Variants in CNTN5 observed in about 807,000 individuals in gnomAD.
CNTN5 encodes contactin-5.
CNTN5 carries 77 observed loss-of-function variants against 129.1 expected under a neutral mutation model. The ratio of observed to expected loss-of-function variants is 0.60; its 90% CI spans 0.50 to 0.72. The LOEUF is 0.72. Among genes scored for constraint, CNTN5 ranks in the 30% least tolerant of loss-of-function variants. CNTN5 has a pLI of 0.00. For synonymous variants in CNTN5, 509 were observed against 465.6 expected (o/e 1.09, Z -1.20); for missense variants, 1,478 against 1,328.8 (o/e 1.11, Z -1.75).
At chr11:99,394,852 T>A (rs1456474871) in intron 2 of CNTN5, among the ~76,000 whole-genome samples, 1 of 151,876 alleles carries the variant, frequency 6.6e-6, no homozygotes, top group Non-Finnish European at 1.5e-5. Flanking sequence ...GCTCCATCCA[T>A]GTCCCTACAA....
chr11:99,232,380 T>C (rs1861048410), intron 1 of CNTN5, among the ~76,000 whole-genome samples: 1 of 152,136 alleles, frequency 6.6e-6, no homozygotes, highest in Non-Finnish European at 1.5e-5. Context: ...CTTTATTAGC[T>C]GTATTAGTAG....
chr11:99,253,054 C>T (rs1862195262), intron 1 of CNTN5, among the ~76,000 whole-genome samples: 1 of 151,760 alleles, frequency 6.6e-6, no homozygotes, highest in Admixed American at 6.6e-5. Flanking sequence ...TGTGTCCCCA[C>T]TCAAATCTCA....
intron 2 of CNTN5, among the ~76,000 whole-genome samples, chr11:99,500,110 T>C (rs1268786568): frequency 1.3e-5 from 2 of 151,792 alleles, no homozygotes; most frequent in African/African-American, 4.8e-5. Context: ...ACTATAGGAG[T>C]AGATTTGTTT....
chr11:100,307,851 T>A (rs1036847625), intron 20 of CNTN5, among the ~76,000 whole-genome samples: 1 of 151,762 alleles, frequency 6.6e-6, no homozygotes, highest in African/African-American at 2.4e-5. Context: ...ATTTTATATA[T>A]ACATTCTAAT....
chr11:99,235,514 G>T (rs1305363631), intron 1 of CNTN5, among the ~76,000 whole-genome samples: 1 of 151,942 alleles, frequency 6.6e-6, no homozygotes, highest in Admixed American at 6.6e-5. Flanking sequence ...AAGTATTTTT[G>T]AATTATTTTA....
rs569473626 is a variant in CNTN5 at position 100,163,211 on chromosome 11, T to C, written c.1581-27915T>C. Among the ~76,000 whole-genome samples the C allele has an allele frequency of 1.1e-4, 16 of 151,928 alleles. No individual in the cohort carries two copies. In the East Asian group the frequency reaches 2.9e-3, roughly 28 times the overall value. On this transcript the variant is annotated intron_variant, in intron 13 of 24. Transcript: ENST00000524871. The stretch of plus-strand genomic sequence containing the variant: ...TCATTTGGAGAATCTTAAATTAAGA[T>C]TGAGACATAATAGCTAATAAAAATA...
intron 8 of CNTN5, among the ~76,000 whole-genome samples, chr11:99,968,657 T>TC (rs144303705): frequency 0.17 from 926 of 5,462 alleles, 51 homozygotes; most frequent in African/African-American, 0.34. Flanking sequence ...CTTTGGGTAC[T>TC]TTTTTTTTTT....
chr11:99,039,432 T>C (rs551824079), intron 1 of CNTN5, among the ~76,000 whole-genome samples: 8 of 152,262 alleles, frequency 5.3e-5, no homozygotes, highest in African/African-American at 1.9e-4. Flanking sequence ...CACATTCTTA[T>C]TTTTTCTATC....
At chr11:99,292,685 C>T (rs1864220664) in intron 1 of CNTN5, among the ~76,000 whole-genome samples, 1 of 152,100 alleles carries the variant, frequency 6.6e-6, no homozygotes, top group African/African-American at 2.4e-5. Context: ...AGAGGACAGA[C>T]ATTTGAAACA....
At chr11:99,763,923 A>G (rs1341188986) in intron 3 of CNTN5, among the ~76,000 whole-genome samples, 3 of 152,070 alleles carry the variant, frequency 2.0e-5, no homozygotes, top group Non-Finnish European at 4.4e-5. Flanking sequence ...ACAATATGAA[A>G]TTTCTGACTC....
intron 3 of CNTN5, among the ~76,000 whole-genome samples, chr11:99,602,069 A>G (rs1409554064): frequency 1.3e-5 from 2 of 152,138 alleles, no homozygotes; most frequent in East Asian, 1.9e-4. Context: ...ACTGTGTTAT[A>G]GAAATTCCAA....
chr11:100,040,482 G>A (rs568597908), intron 9 of CNTN5, among the ~76,000 whole-genome samples: 2 of 152,206 alleles, frequency 1.3e-5, no homozygotes, highest in Non-Finnish European at 2.9e-5. Flanking sequence ...GAGAAGCACT[G>A]CTCTCTTCAA....
chr11:99,704,205 A>G (rs764940575), intron 3 of CNTN5, among the ~76,000 whole-genome samples: 3 of 150,888 alleles, frequency 2.0e-5, no homozygotes, highest in Admixed American at 6.6e-5. Context: ...AGAAGAGTCA[A>G]TATTCCATCC....
At chr11:99,194,105 CTA>C (rs1390419648) in intron 1 of CNTN5, among the ~76,000 whole-genome samples, 5 of 151,930 alleles carry the variant, frequency 3.3e-5, no homozygotes, top group Admixed American at 3.3e-4. Context: ...ATGCTGAATA[CTA>C]GTCTATTTAG....
chr11:99,972,001 GC>G (rs1951272509), intron 8 of CNTN5, among the ~76,000 whole-genome samples: 1 of 145,956 alleles, frequency 6.9e-6, no homozygotes, highest in South Asian at 2.2e-4. Context: ...TGTAATCCCA[GC>G]ACTTTGGGAG....
intron 14 of CNTN5, 50 bp downstream of exon 14, chr11:100,191,303 C>A: frequency 4.0e-6 from 6 of 1,508,924 alleles, no homozygotes; most frequent in Non-Finnish European, 5.4e-6. Flanking sequence ...ATGGTCTTAT[C>A]GGAAAGAGAA....
intron 2 of CNTN5, among the ~76,000 whole-genome samples, chr11:99,359,176 T>C (rs77923514): frequency 0.03 from 4,494 of 152,298 alleles, 201 homozygotes; most frequent in African/African-American, 0.1. Flanking sequence ...GTCATTTTCA[T>C]TGAAATAAAC....
chr11:99,749,893 T>C (rs936192893), intron 3 of CNTN5, among the ~76,000 whole-genome samples: 2 of 152,372 alleles, frequency 1.3e-5, no homozygotes, highest in Non-Finnish European at 1.5e-5. Context: ...GGGATATGAA[T>C]GCTACTACTA....
intron 1 of CNTN5, among the ~76,000 whole-genome samples, chr11:99,073,664 CA>C (rs1865438856): frequency 6.6e-6 from 1 of 152,036 alleles, no homozygotes; most frequent in Middle Eastern, 3.4e-3. Flanking sequence ...GTTTTCTGTT[CA>C]TGTGTTAGTT....
Sources: gnomAD v4.1 joint callset for allele counts (sites outside exome capture counted in the v4.1 genomes callset) on GRCh38, gnomAD v4.1.1 for gene constraint, MANE v1.5 for transcripts, NCBI Gene and HGNC (gene_info 2026-07-23, HGNC 2026-07-21) for gene names.